The following RIGI variants were observed in gnomAD, a reference collection of about 807,000 sequenced individuals.
RIGI encodes antiviral innate immune response receptor RIG-I.
chr9:32,494,064 A>G, the RIGI span: 1 of 735,380 alleles, frequency 1.4e-6, no homozygotes, highest in African/African-American at 1.8e-5. Context: ...TCTGTAAATT[A>G]CCCCCAATTG....
the RIGI span, among the ~76,000 whole-genome samples, chr9:32,523,424 C>A: frequency 6.6e-6 from 1 of 152,094 alleles, no homozygotes; most frequent in Non-Finnish European, 1.5e-5. Context: ...TACCTAAATC[C>A]GAATTTTTCT....
the RIGI span, chr9:32,459,374 T>C: frequency 1.2e-6 from 2 of 1,612,974 alleles, no homozygotes; most frequent in South Asian, 2.2e-5. Context: ...AGCTTACCTC[T>C]ATCACTCTTA....
the RIGI span, chr9:32,459,294 A>C: frequency 6.6e-7 from 1 of 1,506,252 alleles, no homozygotes; most frequent in East Asian, 2.3e-5. Flanking sequence ...TAGTAGTTTT[A>C]TTATAAATAT....
At chr9:32,498,841 G>T in the RIGI span, among the ~76,000 whole-genome samples, 1 of 152,034 alleles carries the variant, frequency 6.6e-6, no homozygotes, top group African/African-American at 2.4e-5. Flanking sequence ...TAATTAGCCA[G>T]ATGTGGTGGT....
At chr9:32,479,857 C>T in the RIGI span, among the ~76,000 whole-genome samples, 13 of 149,756 alleles carry the variant, frequency 8.7e-5, no homozygotes, top group African/African-American at 2.9e-4. Context: ...AAAAAGTATA[C>T]ATAAATTATG....
chr9:32,519,682 T>C, the RIGI span, among the ~76,000 whole-genome samples: 10 of 152,174 alleles, frequency 6.6e-5, no homozygotes, highest in African/African-American at 2.4e-4. Flanking sequence ...AGTCTTAATA[T>C]TCAGAAAAAA....
the RIGI span, among the ~76,000 whole-genome samples, chr9:32,503,663 G>C: frequency 6.6e-6 from 1 of 152,174 alleles, no homozygotes; most frequent in Non-Finnish European, 1.5e-5. Flanking sequence ...TGTCCAGAAA[G>C]TGCTACCAAA....
the RIGI span, among the ~76,000 whole-genome samples, chr9:32,465,362 T>C: frequency 6.6e-6 from 1 of 152,222 alleles, no homozygotes; most frequent in Admixed American, 6.5e-5. Flanking sequence ...CAATACTTTT[T>C]GGAGCACAGA....
chr9:32,477,080 G>T, the RIGI span: 3 of 1,614,044 alleles, frequency 1.9e-6, no homozygotes, highest in South Asian at 3.3e-5. Context: ...TTCAAGTTTA[G>T]GATTCTCATT....
At chr9:32,520,880 T>TC in the RIGI span, among the ~76,000 whole-genome samples, 1 of 149,290 alleles carries the variant, frequency 6.7e-6, no homozygotes, top group Admixed American at 6.7e-5. Flanking sequence ...GTGTGGTGGC[T>TC]CACGCCTGTA....
chr9:32,499,211 C>T, the RIGI span, among the ~76,000 whole-genome samples: 1 of 136,492 alleles, frequency 7.3e-6, no homozygotes, highest in Non-Finnish European at 1.6e-5. Flanking sequence ...TGTATGTTTT[C>T]TTTCTTTTTC....
chr9:32,456,744 T>A, the RIGI span: 1 of 165,356 alleles, frequency 6.0e-6, no homozygotes, highest in African/African-American at 2.4e-5. Flanking sequence ...AGTAGATTGT[T>A]AAGGGCAAAA....
chr9:32,489,044 A>G, the RIGI span, among the ~76,000 whole-genome samples: 760 of 152,320 alleles, frequency 5.0e-3, 5 homozygotes, highest in African/African-American at 0.017. Flanking sequence ...TATGACTAAA[A>G]AATATCAAGC....
At chr9:32,504,564 G>A in the RIGI span, among the ~76,000 whole-genome samples, 3 of 151,656 alleles carry the variant, frequency 2.0e-5, no homozygotes, top group African/African-American at 4.8e-5. Flanking sequence ...TATAATCCCA[G>A]CTACTCGGGA....
At chr9:32,500,473 T>A in the RIGI span, among the ~76,000 whole-genome samples, 9 of 152,312 alleles carry the variant, frequency 5.9e-5, no homozygotes, top group Admixed American at 2.0e-4. Flanking sequence ...ACATTACAAT[T>A]GTTATTATTA....
the RIGI span, among the ~76,000 whole-genome samples, chr9:32,503,269 A>G: frequency 6.6e-6 from 1 of 152,182 alleles, no homozygotes; most frequent in Non-Finnish European, 1.5e-5. Context: ...ACTGCCTTGC[A>G]GTATGCTGGG....
At chr9:32,501,859 C>T in the RIGI span, among the ~76,000 whole-genome samples, 2 of 152,208 alleles carry the variant, frequency 1.3e-5, no homozygotes, top group Admixed American at 1.3e-4. Flanking sequence ...TCTTGCTCTA[C>T]TTAAAAGGAT....
At chr9:32,501,303 G>T in the RIGI span, among the ~76,000 whole-genome samples, 1 of 136,210 alleles carries the variant, frequency 7.3e-6, no homozygotes, top group Non-Finnish European at 1.5e-5. Flanking sequence ...TTACAGGTGT[G>T]AGCCACTGCA....
chr9:32,517,719 T>G, the RIGI span, among the ~76,000 whole-genome samples: 2 of 152,228 alleles, frequency 1.3e-5, no homozygotes, highest in Non-Finnish European at 2.9e-5. Flanking sequence ...GTTAGTTTAA[T>G]GAAAACAGCT....
Sources: allele counts gnomAD v4.1 joint callset (sites outside exome capture counted in the v4.1 genomes callset), GRCh38; gene constraint gnomAD v4.1.1; transcripts MANE v1.5; gene names NCBI Gene and HGNC (gene_info 2026-07-23, HGNC 2026-07-21).